Variants in TANC2 observed in about 807,000 individuals in gnomAD.
The protein encoded by TANC2 is protein TANC2.
A neutral mutation model predicts 210.5 loss-of-function variants in TANC2; 26 were observed. That is an observed-to-expected ratio of 0.12 (90% CI 0.09 to 0.17). The LOEUF (loss-of-function observed/expected upper bound fraction) is 0.17. TANC2 is among the 10% of genes least tolerant of loss of function. The probability of loss-of-function intolerance (pLI) is 1.00; values close to 1 mark genes in which losing one functional copy is unlikely to be tolerated. For synonymous variants in TANC2, 931 were observed against 967.1 expected (o/e 0.96, Z 0.69); for missense variants, 2,129 against 2,608.9 (o/e 0.82, Z 4.01).
chr17:62,993,168 A>G (rs907285477), intron 1 of TANC2, among the ~76,000 whole-genome samples: 2 of 152,204 alleles, frequency 1.3e-5, no homozygotes, highest in Non-Finnish European at 2.9e-5. Flanking sequence ...AAGGTCCTCA[A>G]CTTAATCACA....
intron 8 of TANC2, among the ~76,000 whole-genome samples, chr17:63,263,505 A>G (rs983752078): frequency 8.5e-5 from 13 of 152,224 alleles, no homozygotes; most frequent in African/African-American, 3.1e-4. Flanking sequence ...AAATGTGCCA[A>G]TTATATTTCA....
intron 8 of TANC2, among the ~76,000 whole-genome samples, chr17:63,241,063 A>G (rs2042760824): frequency 6.6e-6 from 1 of 152,330 alleles, no homozygotes; most frequent in Middle Eastern, 3.4e-3. Context: ...AAACAAAAAT[A>G]ACAATGTAGT....
At chr17:63,124,716 G>A (rs148274590) in intron 4 of TANC2, among the ~76,000 whole-genome samples, 1 of 152,308 alleles carries the variant, frequency 6.6e-6, no homozygotes, top group East Asian at 1.9e-4. Flanking sequence ...GAACTGGGCG[G>A]CACAGCAGGA....
intron 4 of TANC2, among the ~76,000 whole-genome samples, chr17:63,118,333 A>C (rs972752030): frequency 5.3e-5 from 8 of 152,106 alleles, no homozygotes; most frequent in Non-Finnish European, 7.4e-5. Flanking sequence ...CTAAATTAGA[A>C]ATTTACCTTT....
At chr17:63,083,202 T>C (rs890330431) in intron 3 of TANC2, among the ~76,000 whole-genome samples, 1 of 152,188 alleles carries the variant, frequency 6.6e-6, no homozygotes, top group Non-Finnish European at 1.5e-5. Flanking sequence ...CTACGTGTCA[T>C]GCAGAGCCAT....
At chr17:63,252,413 G>T (rs1258996619) in intron 8 of TANC2, among the ~76,000 whole-genome samples, 1 of 151,568 alleles carries the variant, frequency 6.6e-6, no homozygotes, top group Non-Finnish European at 1.5e-5. Flanking sequence ...GTACAATATT[G>T]TACATTTTGT....
chr17:63,026,087 A>T (rs1322714661), intron 2 of TANC2, among the ~76,000 whole-genome samples: 1 of 151,862 alleles, frequency 6.6e-6, no homozygotes, highest in Non-Finnish European at 1.5e-5. Flanking sequence ...CTAATCAGAA[A>T]TCACCTTCTC....
rs374661627 is a variant in TANC2 at position 63,379,859 on chromosome 17, A to T, written c.2691+33A>T. 7.1e-6 allele frequency: 11 copies of T among 1,546,358 alleles called. No homozygotes were observed. In the African/African-American group the frequency reaches 1.2e-4, roughly 17 times the overall value. On this transcript the variant is annotated intron_variant, in intron 15 of 27. Coordinates refer to ENST00000689528, the Ensembl canonical transcript of TANC2. ...AAGCAGTTGGAACCATTTTTCCGCC[A>T]TCTCTAGCAGACTTTCATATGCTTT...
intron 11 of TANC2, among the ~76,000 whole-genome samples, chr17:63,327,513 T>C (rs1285985418): frequency 1.3e-5 from 2 of 152,220 alleles, no homozygotes; most frequent in African/African-American, 2.4e-5. Flanking sequence ...AAAAGCAGTT[T>C]GGAAATTTCT....
chr17:63,385,348 G>T (rs1163193383), intron 15 of TANC2, among the ~76,000 whole-genome samples: 1 of 152,214 alleles, frequency 6.6e-6, no homozygotes, highest in African/African-American at 2.4e-5. Flanking sequence ...TAAATTAGGA[G>T]ATTGAGGCCC....
intron 11 of TANC2, among the ~76,000 whole-genome samples, chr17:63,321,713 T>C (rs1436410637): frequency 1.3e-5 from 2 of 152,154 alleles, no homozygotes; most frequent in Non-Finnish European, 2.9e-5. Context: ...TTTAAGCCCC[T>C]TGTTTTCAGT....
intron 1 of TANC2, among the ~76,000 whole-genome samples, chr17:63,003,779 G>T (rs938155070): frequency 6.6e-6 from 1 of 152,106 alleles, no homozygotes; most frequent in South Asian, 2.1e-4. Flanking sequence ...CTTAGCAGAT[G>T]TTTTTAAATT....
At chr17:62,983,205 G>A (rs2032392054) in intron 1 of TANC2, among the ~76,000 whole-genome samples, 1 of 151,808 alleles carries the variant, frequency 6.6e-6, no homozygotes, top group South Asian at 2.1e-4. Context: ...ATATTTTGTA[G>A]CTATTATAAA....
intron 3 of TANC2, among the ~76,000 whole-genome samples, chr17:63,075,672 A>G (rs2036546776): frequency 6.6e-6 from 1 of 151,984 alleles, no homozygotes; most frequent in Non-Finnish European, 1.5e-5. Context: ...AGATGGGATT[A>G]CAGGCCCGGC....
intron 14 of TANC2, 46 bp from the exon 15 acceptor site, chr17:63,379,668 CAATA>C (rs1472377253): frequency 7.0e-6 from 10 of 1,419,568 alleles, no homozygotes; most frequent in Non-Finnish European, 9.6e-6. Flanking sequence ...GACTCCATCT[CAATA>C]AATAAATAAA....
At chr17:63,303,807 T>G (rs1344680764) in intron 9 of TANC2, among the ~76,000 whole-genome samples, 1 of 151,972 alleles carries the variant, frequency 6.6e-6, no homozygotes, top group African/African-American at 2.4e-5. Context: ...TCATTCTTTT[T>G]TCTCTAATCT....
At chr17:63,108,997 A>G (rs1355000332) in intron 4 of TANC2, among the ~76,000 whole-genome samples, 1 of 151,520 alleles carries the variant, frequency 6.6e-6, no homozygotes, top group Non-Finnish European at 1.5e-5. Flanking sequence ...TAACTTTTTA[A>G]AATAACTTTT....
intron 5 of TANC2, among the ~76,000 whole-genome samples, chr17:63,166,916 TC>T (rs1045374182): frequency 1.3e-5 from 2 of 151,902 alleles, no homozygotes; most frequent in Non-Finnish European, 2.9e-5. Context: ...GGTCTGCAGT[TC>T]AGTTAAGGGG....
intron 8 of TANC2, among the ~76,000 whole-genome samples, 197 bp downstream of exon 8, chr17:63,238,274 G>A (rs1459432108): frequency 6.6e-6 from 1 of 151,960 alleles, no homozygotes; most frequent in Non-Finnish European, 1.5e-5. Context: ...CATCTTCCTC[G>A]AGTGATTGCT....
Sources: gnomAD v4.1 joint callset for allele counts (sites outside exome capture counted in the v4.1 genomes callset) on GRCh38, gnomAD v4.1.1 for gene constraint, MANE v1.5 for transcripts, NCBI Gene and HGNC (gene_info 2026-07-23, HGNC 2026-07-21) for gene names.